Variants in PRMT5 observed in about 807,000 individuals in gnomAD.
The protein encoded by PRMT5 is protein arginine methyltransferase 5.
Under a neutral mutation model 84.0 loss-of-function variants are expected in PRMT5, and 15 were observed. The ratio of observed to expected loss-of-function variants is 0.18; its 90% CI spans 0.12 to 0.28. The LOEUF (loss-of-function observed/expected upper bound fraction) is 0.28, where lower values mean the gene tolerates loss of function less well. Ranked by LOEUF, PRMT5 falls within the 10% of genes least tolerant of loss-of-function variation. PRMT5 has a pLI of 1.00. For synonymous variants in PRMT5, 276 were observed against 292.4 expected, an observed-to-expected ratio of 0.94 and a Z score of 0.57; for missense variants, 486 against 808.0, an observed-to-expected ratio of 0.60 and a Z score of 4.83.
Position 22,923,792 on chromosome 14 carries a change from C to T in PRMT5, c.1375+216G>A, listed in dbSNP as rs113157144. 3.9e-5 allele frequency among the ~76,000 whole-genome samples: 6 copies of T among 152,120 alleles called. No individual in the cohort carries two copies. Among genetic ancestry groups the T allele is most frequent in the South Asian group, 2.1e-4 (1 of 4,826 alleles). On this transcript the variant is annotated intron_variant, in intron 12 of 16. Transcript: ENST00000324366. This position sits in a 1 kb window ranked among gnomAD's most constrained non-coding sequence, Gnocchi z 5.2. ...TGCTGCAATTACAGGCATGAGCCACCGCGCCCAGCCCACTCCCTTCATTTT... is the reference window on the plus strand; with the variant it reads ...TGCTGCAATTACAGGCATGAGCCACTGCGCCCAGCCCACTCCCTTCATTTT...
chr14:22,921,079 G>A (rs1158462471), intron 16 of PRMT5, 23 bp from the exon 17 acceptor site: 4 of 1,613,386 alleles, frequency 2.5e-6, no homozygotes, highest in Middle Eastern at 1.6e-4. Context: ...AGACAGGAAG[G>A]TTCAGGGTGA....
At chr14:22,925,531 C>T (rs540671780) in intron 7 of PRMT5, among the ~76,000 whole-genome samples, 1 of 152,120 alleles carries the variant, frequency 6.6e-6, no homozygotes, top group East Asian at 1.9e-4. Flanking sequence ...TTATAAAAAG[C>T]CCCCTTGGCC....
intron 7 of PRMT5, among the ~76,000 whole-genome samples, chr14:22,925,333 T>G (rs575758909): frequency 6.6e-6 from 1 of 151,866 alleles, no homozygotes; most frequent in African/African-American, 2.4e-5. Context: ...ATTTTTGTAT[T>G]TTTAGTAGAG....
In PRMT5 at chr14:22,924,745, T is replaced by C. The variant is rs373634125; in HGVS notation, c.940-36A>G. ...AGGAAAAGGACAAAGTTAGCCAGTT[T>C]CTGGCAAAGGACAATGCACTAAAAT... is the stretch of plus-strand genomic sequence containing the variant. On this transcript the variant is annotated intron_variant, in intron 8 of 16. Transcript: ENST00000324366. The surrounding 1 kb of genome is among the most constrained non-coding windows in gnomAD (Gnocchi z 6.5). The C allele has an allele frequency of 2.6e-5, 42 of 1,607,216 alleles. No individual in the cohort carries two copies. The highest frequency in any genetic ancestry group is 3.6e-5 in the Non-Finnish European group (42 of 1,174,992).
chr14:22,928,666 G>A lies in PRMT5; in HGVS notation c.111-51C>T, dbSNP rs772140036. On this transcript the variant is annotated intron_variant, in intron 1 of 16. Coordinates refer to ENST00000324366, the MANE Select transcript of PRMT5 (RefSeq NM_006109.5). The surrounding 1 kb of genome is among the most constrained non-coding windows in gnomAD (Gnocchi z 4.8). ...ATGTAAAGACAGCAGCAGTGCCAGA[G>A]AGCCAAGCAACTGGATTTAGGCTAT... The A allele has an allele frequency of 7.2e-7, 1 of 1,393,766 alleles. No homozygotes were observed. Among genetic ancestry groups the A allele is most frequent in the Non-Finnish European group, 1.0e-6 (1 of 979,176 alleles). The allele number at this position is 1,393,766 out of a possible 1,614,324, so 86.3% of individuals were successfully genotyped here. A position where few individuals can be genotyped will look rare whatever the true frequency, so the allele number is the denominator to read the frequency against.
In PRMT5 at chr14:22,923,352, CACT is replaced by C. The variant is rs906476472; in HGVS notation, c.1376-195_1376-193del. 1.9e-6 allele frequency: 1 copy of C among 531,112 alleles called. No individual in the cohort carries two copies. Among genetic ancestry groups the C allele is most frequent in the Admixed American group, 3.6e-5 (1 of 27,864 alleles). The allele number at this position is 531,112 out of a possible 1,614,324, so 32.9% of individuals were successfully genotyped here. On this transcript the variant is annotated intron_variant, in intron 12 of 16. Transcript: ENST00000324366. This position sits in a 1 kb window ranked among gnomAD's most constrained non-coding sequence, Gnocchi z 5.2. ...TTCCAACTACTGTCATGGAGGATTC[CACT>C]ACTAGGTTAATTTACAGAGTCACAC...
At position 22,925,166 on chromosome 14, in the gene PRMT5, T is replaced by A. The variant is rs59463950; in HGVS notation, c.778-126A>T. On this transcript the variant is annotated intron_variant, in intron 7 of 16. Coordinates refer to ENST00000324366, the MANE Select transcript of PRMT5 (RefSeq NM_006109.5). ...CAACAGTTCTCTTTTTTTTTTTTTT[T>A]AAAAAAAAAGATGGAGTCTCGCTCT... The A allele has an allele frequency of 4.5e-3, 3,736 of 821,528 alleles. 23 individuals are homozygous for A. Among genetic ancestry groups the A allele is most frequent in the East Asian group, 0.04 (1,229 of 30,986 alleles). The allele number at this position is 821,528 out of a possible 1,614,324, so 50.9% of individuals were successfully genotyped here.
At position 22,920,800 on chromosome 14, in the gene PRMT5, T is replaced by C; in HGVS notation, c.*104A>G. ...GAAAGCAGATTGAAATGCTCCTCTC[T>C]GATGGGCAAGGGGAATCACAGCCCA... is the stretch of plus-strand genomic sequence containing the variant. On this transcript the variant is annotated 3_prime_UTR_variant, in exon 17 of 17. Transcript: ENST00000324366. 2.0e-6 allele frequency: 3 copies of C among 1,494,754 alleles called. No homozygotes were observed. Among genetic ancestry groups the C allele is most frequent in the Non-Finnish European group, 2.8e-6 (3 of 1,071,824 alleles). 92.6% of individuals were successfully genotyped at this position (1,494,754 alleles called of 1,614,324 possible).
At chr14:22,925,085 T>TC in intron 7 of PRMT5, 45 bp from the exon 8 acceptor site, 1 of 1,600,744 alleles carries the variant, frequency 6.2e-7, no homozygotes, top group Non-Finnish European at 8.5e-7. Flanking sequence ...CAAACCAAGA[T>TC]TCTGGAATAT....
Position 22,924,975 on chromosome 14 carries a change from G to A in PRMT5, c.843C>T (p.Leu281=), listed in dbSNP as rs2139233674. The stretch of plus-strand genomic sequence containing the variant: ...TCTGGCTTAAGTATTCCAGGTATTG[G>A]AGGTAGGAGCAGAACTCCTTCTCTG... ...HHSEKEFCSY[L]QYLEYLSQNR... Residue 281 remains leucine, a synonymous_variant, in exon 8 of 17, where the codon CTC becomes CTT. Transcript: ENST00000324366. The surrounding 1 kb of genome is among the most constrained non-coding windows in gnomAD (Gnocchi z 6.5). 6.2e-7 allele frequency: 1 copy of A among 1,614,112 alleles called. No homozygotes were observed. The highest frequency in any genetic ancestry group is 8.5e-7 in the Non-Finnish European group (1 of 1,180,024).
intron 5 of PRMT5, 63 bp downstream of exon 5, chr14:22,926,639 G>A (rs1341280373): frequency 8.6e-5 from 138 of 1,599,588 alleles, no homozygotes; most frequent in South Asian, 1.1e-5. Context: ...CCTACAGGTT[G>A]CACCCTGTAC....
rs779857562 is a variant in PRMT5 at position 22,920,583 on chromosome 14, A to T, written c.*321T>A. The T allele has an allele frequency of 1.1e-5, 6 of 545,372 alleles. No homozygotes were observed. The highest frequency in any genetic ancestry group is 2.3e-5 in the Admixed American group (1 of 42,742). The allele number at this position is 545,372 out of a possible 1,614,324, so 33.8% of individuals were successfully genotyped here. On this transcript the variant is annotated 3_prime_UTR_variant, in exon 17 of 17. Transcript: ENST00000324366. ...TTTCCTCTTACACAAAACCATCAAA[A>T]CAAGAACAGAAAAAGGCTGAAAATC...
Position 22,928,115 on chromosome 14 carries a change from A to G in PRMT5, c.315+11T>C, listed in dbSNP as rs376830919. 6.2e-6 allele frequency: 10 copies of G among 1,611,680 alleles called. No homozygotes were observed. Among genetic ancestry groups the G allele is most frequent in the Non-Finnish European group, 8.5e-6 (10 of 1,178,794 alleles). ...TTAGAAAAATCCAGCAGAGAAGTCA[A>G]ACAGTCTTACCGCCTCGGAGTTCCT... On this transcript the variant is annotated intron_variant, in intron 3 of 16. Transcript: ENST00000324366. The surrounding 1 kb of genome is among the most constrained non-coding windows in gnomAD (Gnocchi z 4.8).
chr14:22,928,092 AG>A lies in PRMT5; in HGVS notation c.315+33del. The A allele has an allele frequency of 3.2e-6, 5 of 1,587,044 alleles. No individual in the cohort carries two copies. The highest frequency in any genetic ancestry group is 4.3e-6 in the Non-Finnish European group (5 of 1,159,602). ...ACCACTCTCCCCACCCAGCTTGGTT[AG>A]AAAAATCCAGCAGAGAAGTCAAACA... On this transcript the variant is annotated intron_variant, in intron 3 of 16. Coordinates refer to ENST00000324366, the MANE Select transcript of PRMT5 (RefSeq NM_006109.5). The surrounding 1 kb of genome is among the most constrained non-coding windows in gnomAD (Gnocchi z 4.8).
At position 22,928,942 on chromosome 14, in the gene PRMT5, A is replaced by C. The variant is rs2044485992; in HGVS notation, c.110+310T>G. 8.2e-6 allele frequency: 5 copies of C among 612,532 alleles called. No homozygotes were observed. Among genetic ancestry groups the C allele is most frequent in the Non-Finnish European group, 1.1e-5 (4 of 351,948 alleles). The allele number at this position is 612,532 out of a possible 1,614,324, so 37.9% of individuals were successfully genotyped here. On this transcript the variant is annotated intron_variant, in intron 1 of 16. Transcript: ENST00000324366. The surrounding 1 kb of genome is among the most constrained non-coding windows in gnomAD (Gnocchi z 4.8). ...CAGTTCTGCCCATGCCTCCCCCGTC[A>C]AAATTAGCCTCTTCTCTCCCTTGCC... is the stretch of plus-strand genomic sequence containing the variant.
Position 22,924,496 on chromosome 14 carries a change from C to T in PRMT5, c.1059G>A (p.Glu353=), listed in dbSNP as rs2044373568. 6.2e-7 allele frequency: 1 copy of T among 1,614,116 alleles called. No homozygotes were observed. Among genetic ancestry groups the T allele is most frequent in the Non-Finnish European group, 8.5e-7 (1 of 1,180,004 alleles). The change falls in exon 10 of 17, where the codon GAG becomes GAA. Residue 353 remains glutamate, a synonymous_variant. Transcript: ENST00000324366. This position sits in a 1 kb window ranked among gnomAD's most constrained non-coding sequence, Gnocchi z 6.5. ...KCLLDRVPEE[E]KDTNVQVLMV... ...GCACTCACTGGACATTGGTATCCTTCTCCTCTTCTGGTACTCGGTCTAGCA... is the reference window on the plus strand; with the variant it reads ...GCACTCACTGGACATTGGTATCCTTTTCCTCTTCTGGTACTCGGTCTAGCA...
At chr14:22,922,110 G>A in intron 16 of PRMT5, 66 bp downstream of exon 16, 3 of 1,360,774 alleles carry the variant, frequency 2.2e-6, no homozygotes, top group Non-Finnish European at 3.1e-6. Context: ...CTGGGAGAAG[G>A]AAAGAAGCAC....
At chr14:22,925,082 A>T in intron 7 of PRMT5, 42 bp from the exon 8 acceptor site, 1 of 1,603,520 alleles carries the variant, frequency 6.2e-7, no homozygotes, top group Non-Finnish European at 8.5e-7. Flanking sequence ...CCTCAAACCA[A>T]GATTCTGGAA....
Position 22,928,606 on chromosome 14 carries a change from G to A in PRMT5, c.120C>T (p.Phe40=). ...GCGGATGGAAGACAGGCATGCAGAGGAAATCAAACCTACAACCGCGACAGA... is the reference window on the plus strand; with the variant it reads ...GCGGATGGAAGACAGGCATGCAGAGAAAATCAAACCTACAACCGCGACAGA... ...LGAVAKQGFD[F]LCMPVFHPRF... is the part of the protein sequence containing the mutation. Residue 40 remains phenylalanine, a synonymous_variant, in exon 2 of 17, where the codon TTC becomes TTT. Coordinates refer to ENST00000324366, the MANE Select transcript of PRMT5 (RefSeq NM_006109.5). This position sits in a 1 kb window ranked among gnomAD's most constrained non-coding sequence, Gnocchi z 4.8. 1 of 1,612,476 alleles carries A rather than the reference G, an allele frequency of 6.2e-7. No individual in the cohort carries two copies.
Sources: allele counts gnomAD v4.1 joint callset (sites outside exome capture counted in the v4.1 genomes callset), GRCh38; gene constraint gnomAD v4.1.1; non-coding constraint Gnocchi (gnomAD v3.1); transcripts MANE v1.5; gene names NCBI Gene and HGNC (gene_info 2026-07-23, HGNC 2026-07-21).